RUNDC3B: variants seen among roughly 807,000 people sequenced by gnomAD.
RUNDC3B encodes RUN domain containing 3B, also known as RUN domain-containing protein 3B.
RUNDC3B carries 33 observed loss-of-function variants against 58.4 expected under a neutral mutation model. The observed-to-expected ratio is 0.56, with a 90% confidence interval of 0.43 to 0.75. The LOEUF (loss-of-function observed/expected upper bound fraction) is 0.75, where lower values mean the gene tolerates loss of function less well. RUNDC3B is among the 30% of genes least tolerant of loss of function. The pLI, the probability that RUNDC3B is intolerant of heterozygous loss-of-function variation, is 0.00. For synonymous variants in RUNDC3B, 193 were observed against 195.2 expected (o/e 0.99, Z 0.10); for missense variants, 501 against 535.7 (o/e 0.94, Z 0.64).
intron 2 of RUNDC3B, among the ~76,000 whole-genome samples, chr7:87,696,098 G>A (rs931425355): frequency 1.3e-5 from 2 of 152,022 alleles, no homozygotes; most frequent in African/African-American, 4.8e-5. Context: ...TTTAACATTG[G>A]GAAAATGTTA....
chr7:87,787,799 G>T (rs956777042), intron 8 of RUNDC3B, among the ~76,000 whole-genome samples: 1 of 152,070 alleles, frequency 6.6e-6, no homozygotes, highest in Non-Finnish European at 1.5e-5. Flanking sequence ...TTTATATATG[G>T]GAACCTTAAA....
chr7:87,667,549 G>A (rs1275332253), intron 2 of RUNDC3B, among the ~76,000 whole-genome samples: 3 of 151,934 alleles, frequency 2.0e-5, no homozygotes, highest in Non-Finnish European at 4.4e-5. Context: ...TGGTGAGAGA[G>A]GGCATCCTTC....
At chr7:87,749,671 C>T (rs1432242321) in intron 6 of RUNDC3B, among the ~76,000 whole-genome samples, 1 of 152,022 alleles carries the variant, frequency 6.6e-6, no homozygotes, top group Non-Finnish European at 1.5e-5. Context: ...CCTCCCCCCA[C>T]ATTGCTGCTT....
chr7:87,781,312 C>T (rs894333602), intron 8 of RUNDC3B, among the ~76,000 whole-genome samples: 9 of 151,988 alleles, frequency 5.9e-5, no homozygotes, highest in African/African-American at 2.2e-4. Context: ...TATAGAAGTA[C>T]AACTGATTTT....
At chr7:87,754,801 C>A (rs913882104) in intron 6 of RUNDC3B, among the ~76,000 whole-genome samples, 3 of 152,038 alleles carry the variant, frequency 2.0e-5, no homozygotes, top group African/African-American at 7.2e-5. Context: ...TACCTCTATG[C>A]AGGCAAACTA....
At chr7:87,823,755 C>A (rs779934140) in intron 10 of RUNDC3B, among the ~76,000 whole-genome samples, 5 of 151,332 alleles carry the variant, frequency 3.3e-5, no homozygotes, top group African/African-American at 9.7e-5. Context: ...TAATTCATTC[C>A]TTTTTATGAA....
chr7:87,820,632 A>G (rs1202446430), intron 10 of RUNDC3B, among the ~76,000 whole-genome samples: 2 of 152,204 alleles, frequency 1.3e-5, no homozygotes, highest in African/African-American at 2.4e-5. Context: ...TGATGCAAAA[A>G]TCCTCAATAA....
At chr7:87,690,953 T>C (rs1438856374) in intron 2 of RUNDC3B, among the ~76,000 whole-genome samples, 1 of 151,848 alleles carries the variant, frequency 6.6e-6, no homozygotes, top group Non-Finnish European at 1.5e-5. Flanking sequence ...AGAGAGAAAA[T>C]AGAATAAATA....
chr7:87,811,179 C>G (rs996746877), intron 9 of RUNDC3B, among the ~76,000 whole-genome samples: 4 of 152,104 alleles, frequency 2.6e-5, no homozygotes, highest in African/African-American at 9.6e-5. Flanking sequence ...CATTCTTATC[C>G]CAAAAGATCA....
intron 2 of RUNDC3B, chr7:87,659,236 A>G (rs545892308): frequency 2.4e-6 from 1 of 422,092 alleles, no homozygotes; most frequent in Non-Finnish European, 4.7e-6. Flanking sequence ...GGGTAAATAC[A>G]TTAGGCTTTC....
At chr7:87,816,645 T>C (rs914592151) in intron 10 of RUNDC3B, among the ~76,000 whole-genome samples, 2 of 152,226 alleles carry the variant, frequency 1.3e-5, no homozygotes, top group Non-Finnish European at 2.9e-5. Flanking sequence ...AACTGACCAC[T>C]TCCTCATTCT....
intron 8 of RUNDC3B, among the ~76,000 whole-genome samples, chr7:87,786,618 A>T (rs1835235008): frequency 6.6e-6 from 1 of 152,034 alleles, no homozygotes; most frequent in Non-Finnish European, 1.5e-5. Context: ...TATTAAGAAG[A>T]TAATTTCATT....
chr7:87,769,391 C>T (rs1270155466), intron 6 of RUNDC3B, among the ~76,000 whole-genome samples: 2 of 151,996 alleles, frequency 1.3e-5, no homozygotes, highest in South Asian at 2.1e-4. Context: ...TGTGTGATTA[C>T]TTTTGTACTA....
At chr7:87,717,798 AT>A (rs1162929931) in intron 4 of RUNDC3B, among the ~76,000 whole-genome samples, 2 of 152,136 alleles carry the variant, frequency 1.3e-5, no homozygotes, top group East Asian at 3.8e-4. Flanking sequence ...TTTGCACCTT[AT>A]AAAAAAGAAA....
Position 87,741,609 on chromosome 7 carries a change from A to G in RUNDC3B, c.629+30A>G, listed in dbSNP as rs1584066406. On this transcript the variant is annotated intron_variant, in intron 6 of 10. Transcript: ENST00000394654. ...GTGACATTTTGAGATATGTTTTTTA[A>G]AATCTTATTTAAAATTGAATGTCTT... is the stretch of plus-strand genomic sequence containing the variant. The G allele has an allele frequency of 3.9e-6, 5 of 1,279,846 alleles. No homozygotes were observed. In the East Asian group the frequency reaches 1.2e-4, roughly 31 times the overall value. The allele number at this position is 1,279,846 out of a possible 1,614,324, so 79.3% of individuals were successfully genotyped here.
At chr7:87,665,883 T>TA (rs879699095) in intron 2 of RUNDC3B, among the ~76,000 whole-genome samples, 6 of 152,140 alleles carry the variant, frequency 3.9e-5, no homozygotes, top group Non-Finnish European at 8.8e-5. Flanking sequence ...CATTCTTTTT[T>TA]ATAGCTGTAT....
At chr7:87,660,099 T>G (rs1481873625) in intron 2 of RUNDC3B, among the ~76,000 whole-genome samples, 1 of 152,160 alleles carries the variant, frequency 6.6e-6, no homozygotes, top group East Asian at 1.9e-4. Flanking sequence ...GTCAAGGTTA[T>G]CCTAGCCTCA....
chr7:87,794,874 C>T lies in RUNDC3B; in HGVS notation c.957-12499C>T, dbSNP rs539226250. On this transcript the variant is annotated intron_variant, in intron 8 of 10. Coordinates refer to ENST00000394654, the MANE Select transcript of RUNDC3B (RefSeq NM_001134405.2). ...TTGACAAAGTTGCCAAATAAATACA[C>T]TGGGGAAAAAGACAGTGTTTTCTAT... is the stretch of plus-strand genomic sequence containing the variant. 7.9e-5 allele frequency among the ~76,000 whole-genome samples: 12 copies of T among 152,238 alleles called. No individual in the cohort carries two copies. The South Asian group carries it at 1.0e-3, about 13-fold the overall frequency.
intron 5 of RUNDC3B, among the ~76,000 whole-genome samples, chr7:87,740,293 A>G (rs775927351): frequency 3.3e-5 from 5 of 152,258 alleles, no homozygotes; most frequent in Non-Finnish European, 5.9e-5. Flanking sequence ...CTGAGAGGCT[A>G]TCTTGGGTAT....
Sources: gnomAD v4.1 joint callset for allele counts (sites outside exome capture counted in the v4.1 genomes callset) on GRCh38, gnomAD v4.1.1 for gene constraint, MANE v1.5 for transcripts, NCBI Gene and HGNC (gene_info 2026-07-23, HGNC 2026-07-21) for gene names.